The following COL21A1 variants were observed in gnomAD, a reference collection of about 807,000 sequenced individuals.
COL21A1 encodes the protein collagen type XXI alpha 1 chain, also known as collagen alpha-1(XXI) chain.
COL21A1 carries 149 observed loss-of-function variants against 137.9 expected under a neutral mutation model. The observed-to-expected ratio is 1.08, with a 90% CI of 0.95 to 1.24. The LOEUF (loss-of-function observed/expected upper bound fraction) is 1.24. Among genes scored for constraint, COL21A1 ranks in the 50% most tolerant of loss-of-function variants. The pLI is 0.00. For synonymous variants in COL21A1, 456 were observed against 391.5 expected (o/e 1.16, Z -1.95); for missense variants, 1,167 against 1,158.4 (o/e 1.01, Z -0.11).
At chr6:56,235,767 A>G (rs1325599266) in intron 1 of COL21A1, among the ~76,000 whole-genome samples, 1 of 151,862 alleles carries the variant, frequency 6.6e-6, no homozygotes, top group Non-Finnish European at 1.5e-5. Context: ...TGCAAATTAA[A>G]TTTCTAGACA....
At chr6:56,215,465 C>G (rs955475000) in intron 1 of COL21A1, among the ~76,000 whole-genome samples, 5 of 151,964 alleles carry the variant, frequency 3.3e-5, no homozygotes, top group Non-Finnish European at 7.4e-5. Flanking sequence ...GAGATTTGCC[C>G]AAATCTAAGC....
At chr6:56,354,408 T>C (rs929777884) in intron 1 of COL21A1, among the ~76,000 whole-genome samples, 3 of 152,166 alleles carry the variant, frequency 2.0e-5, no homozygotes, top group Admixed American at 6.6e-5. Context: ...AATCAACCCA[T>C]GCATTTATAT....
chr6:56,239,445 A>G (rs952284495), intron 1 of COL21A1, among the ~76,000 whole-genome samples: 2 of 152,198 alleles, frequency 1.3e-5, no homozygotes, highest in Admixed American at 6.5e-5. Flanking sequence ...AACGTCTACC[A>G]TCTCACAACC....
chr6:56,363,812 G>T (rs1002770819), intron 1 of COL21A1, among the ~76,000 whole-genome samples: 2 of 152,140 alleles, frequency 1.3e-5, no homozygotes, highest in African/African-American at 2.4e-5. Flanking sequence ...ACCCCCAAGG[G>T]GACTGTGCCT....
At chr6:56,165,907 T>TAC (rs61397350) in intron 7 of COL21A1, among the ~76,000 whole-genome samples, 14,573 of 105,470 alleles carry the variant, frequency 0.14, 717 homozygotes, top group Admixed American at 0.16. Flanking sequence ...GGGGATTGAT[T>TAC]ACACACACAC....
At chr6:56,357,910 T>C (rs1765870630) in intron 1 of COL21A1, among the ~76,000 whole-genome samples, 1 of 152,116 alleles carries the variant, frequency 6.6e-6, no homozygotes, top group South Asian at 2.1e-4. Context: ...CCTCAACAAT[T>C]CTGAGTCAGA....
rs752875032 is a variant in COL21A1, at chr6:56,164,475, G to A, written c.1319C>T (p.Thr440Ile). 2.0e-5 allele frequency: 32 copies of A among 1,589,700 alleles called. No individual in the cohort carries two copies. Among genetic ancestry groups the A allele is most frequent in the Non-Finnish European group, 2.7e-5 (32 of 1,166,926 alleles). The change falls in exon 9 of 30, where the codon ACT (threonine) becomes ATT (isoleucine). Residue 440 changes from threonine (T) to isoleucine (I), a missense_variant. Transcript: ENST00000244728. ...CGGAGGACAAATACAGGGAGCTGGA[G>A]TTGAACCTACATCACTGGGACCATT... Reference protein sequence around the residue: ...CLNGPSDVGSTPAPCICPPGK... With the variant: ...CLNGPSDVGSIPAPCICPPGK...
chr6:56,232,964 G>C (rs1297485402), intron 1 of COL21A1, among the ~76,000 whole-genome samples: 1 of 151,882 alleles, frequency 6.6e-6, no homozygotes, highest in African/African-American at 2.4e-5. Context: ...AGAGCTGGAA[G>C]TAAAAGAATT....
chr6:56,358,506 CTT>C (rs1397054068), intron 1 of COL21A1, among the ~76,000 whole-genome samples: 1 of 152,062 alleles, frequency 6.6e-6, no homozygotes, highest in Non-Finnish European at 1.5e-5. Flanking sequence ...CCCTAGATCT[CTT>C]GTCTACATGG....
chr6:56,241,567 G>T (rs998670959), intron 1 of COL21A1, among the ~76,000 whole-genome samples: 5 of 152,120 alleles, frequency 3.3e-5, no homozygotes, highest in African/African-American at 1.2e-4. Context: ...TGATCCAAAG[G>T]CAAACTGCCA....
At chr6:56,354,814 G>A (rs778519825) in intron 1 of COL21A1, among the ~76,000 whole-genome samples, 26 of 152,076 alleles carry the variant, frequency 1.7e-4, no homozygotes, top group Non-Finnish European at 3.1e-4. Flanking sequence ...AACTGTGATC[G>A]CACCACTGCA....
At chr6:56,232,880 A>T (rs182898808) in intron 1 of COL21A1, among the ~76,000 whole-genome samples, 1 of 152,062 alleles carries the variant, frequency 6.6e-6, no homozygotes, top group African/African-American at 2.4e-5. Flanking sequence ...ATATTGTCAG[A>T]TTAACACTGA....
At chr6:56,092,671 A>G (rs1768950975) in intron 17 of COL21A1, among the ~76,000 whole-genome samples, 1 of 152,172 alleles carries the variant, frequency 6.6e-6, no homozygotes, top group African/African-American at 2.4e-5. Context: ...TATGCTACCA[A>G]CAGTTTGCAA....
At chr6:56,115,149 T>G in intron 16 of COL21A1, among the ~76,000 whole-genome samples, 1 of 19,726 alleles carries the variant, frequency 5.1e-5, no homozygotes, top group South Asian at 2.0e-3. Flanking sequence ...TGGGGACTGT[T>G]GTGGGGTGGG....
At chr6:56,302,990 C>G (rs982596192) in intron 1 of COL21A1, among the ~76,000 whole-genome samples, 39 of 152,164 alleles carry the variant, frequency 2.6e-4, no homozygotes, top group Non-Finnish European at 2.6e-4. Flanking sequence ...ATAGGGAATC[C>G]TTTCCCCATT....
intron 12 of COL21A1, among the ~76,000 whole-genome samples, chr6:56,129,716 G>GAC (rs879374751): frequency 0.066 from 9,850 of 149,700 alleles, 390 homozygotes; most frequent in Admixed American, 0.11. Context: ...GAGAGAGAGA[G>GAC]AGAGAGACAG....
At chr6:56,290,960 T>C (rs1168663578) in intron 1 of COL21A1, among the ~76,000 whole-genome samples, 1 of 152,078 alleles carries the variant, frequency 6.6e-6, no homozygotes, top group Non-Finnish European at 1.5e-5. Flanking sequence ...TCTCTACACC[T>C]TTGAATAGCA....
In COL21A1 at chr6:56,327,227, T is replaced by C. The variant is rs116825971; in HGVS notation, c.-39+66744A>G. Among the ~76,000 whole-genome samples the C allele has an allele frequency of 3.8e-3, 576 of 152,060 alleles. 3 individuals are homozygous for C. Among genetic ancestry groups the C allele is most frequent in the African/African-American group, 0.013 (548 of 41,550 alleles). On this transcript the variant is annotated intron_variant, in intron 1 of 28. Coordinates refer to the COL21A1 transcript ENST00000370819. ...TTTAGATTTCATGAATTTGTTTTTA[T>C]GTGTGAGTAGAAATAAATAATTATC...
chr6:56,097,917 A>G (rs185043878), intron 17 of COL21A1, among the ~76,000 whole-genome samples: 1,806 of 26,428 alleles, frequency 0.068, 148 homozygotes, highest in East Asian at 0.16. Flanking sequence ...ATAAATATAT[A>G]TAAATATATA....
Sources: allele counts gnomAD v4.1 joint callset (sites outside exome capture counted in the v4.1 genomes callset), GRCh38; gene constraint gnomAD v4.1.1; transcripts MANE v1.5; gene names NCBI Gene and HGNC (gene_info 2026-07-23, HGNC 2026-07-21).